The following BRAF variants were observed in gnomAD, a reference collection of about 807,000 sequenced individuals.
The protein encoded by BRAF is serine/threonine-protein kinase B-raf.
In BRAF, 16 loss-of-function variants were observed where a neutral mutation model predicts 104.6. The ratio of observed to expected loss-of-function variants is 0.15; its 90% CI spans 0.10 to 0.23. The LOEUF (loss-of-function observed/expected upper bound fraction) is 0.23, where lower values mean the gene tolerates loss of function less well. Ranked by LOEUF, BRAF falls within the 10% of genes least tolerant of loss-of-function variation. BRAF has a pLI of 1.00. For missense variants in BRAF, 541 were observed against 937.3 expected (o/e 0.58, Z 5.52); for synonymous variants, 310 against 341.6 (o/e 0.91, Z 1.02).
At chr7:140,874,417 G>A (rs1811965916) in intron 1 of BRAF, among the ~76,000 whole-genome samples, 1 of 151,142 alleles carries the variant, frequency 6.6e-6, no homozygotes, top group South Asian at 2.1e-4. Flanking sequence ...GGCCAGGATG[G>A]CCTCGATCTC....
intron 7 of BRAF, among the ~76,000 whole-genome samples, chr7:140,798,331 C>T (rs374078068): frequency 1.5e-4 from 19 of 125,618 alleles, no homozygotes; most frequent in African/African-American, 2.8e-4. Flanking sequence ...GACGTGATCT[C>T]GGCCCGCTAC....
chr7:140,920,615 ACTACATT>A (rs1410509154), intron 1 of BRAF, among the ~76,000 whole-genome samples: 1 of 152,256 alleles, frequency 6.6e-6, no homozygotes, highest in Non-Finnish European at 1.5e-5. Context: ...ACTCACATTT[ACTACATT>A]CAAGGATTCA....
chr7:140,828,476 TGAGA>T (rs765071815), intron 3 of BRAF, among the ~76,000 whole-genome samples: 5 of 152,330 alleles, frequency 3.3e-5, no homozygotes, highest in South Asian at 2.1e-4. Context: ...CATTTCTAGT[TGAGA>T]GAGATATTTC....
At chr7:140,872,192 G>A (rs1811674074) in intron 1 of BRAF, among the ~76,000 whole-genome samples, 1 of 148,508 alleles carries the variant, frequency 6.7e-6, no homozygotes, top group Admixed American at 6.7e-5. Flanking sequence ...TCCAGCCTGG[G>A]CAACAAGAGT....
At chr7:140,892,806 AACAAT>A (rs767371443) in intron 1 of BRAF, among the ~76,000 whole-genome samples, 4 of 152,174 alleles carry the variant, frequency 2.6e-5, no homozygotes, top group Non-Finnish European at 4.4e-5. Flanking sequence ...CAGGGAACAA[AACAAT>A]ACATCAGATC....
At chr7:140,871,869 T>C (rs2129093808) in intron 1 of BRAF, among the ~76,000 whole-genome samples, 1 of 152,290 alleles carries the variant, frequency 6.6e-6, no homozygotes, top group East Asian at 1.9e-4. Context: ...AAAATTATAT[T>C]GTATATAGTG....
intron 1 of BRAF, among the ~76,000 whole-genome samples, chr7:140,880,378 C>T (rs1415840414): frequency 6.6e-6 from 1 of 152,192 alleles, no homozygotes; most frequent in African/African-American, 2.4e-5. Flanking sequence ...TCAGGATCCA[C>T]TTCTAATTCT....
intron 15 of BRAF, 90 bp downstream of exon 14, chr7:140,754,097 G>A (rs1798007569): frequency 7.5e-7 from 1 of 1,339,944 alleles, no homozygotes; most frequent in South Asian, 1.2e-5. Context: ...AACTTAGCAT[G>A]AAAACTGTTT....
At chr7:140,811,467 T>C (rs1036735078) in intron 3 of BRAF, among the ~76,000 whole-genome samples, 5 of 152,156 alleles carry the variant, frequency 3.3e-5, no homozygotes, top group Non-Finnish European at 5.9e-5. Context: ...AGGGAGCTTA[T>C]ATGTCTAGCT....
rs1220605096 is a variant in BRAF at position 140,724,454 on chromosome 7, T to C, written c.*2040A>G. 5 of 1,054,344 alleles carry C rather than the reference T, an allele frequency of 4.7e-6. No homozygotes were observed. Among genetic ancestry groups the C allele is most frequent in the Non-Finnish European group, 5.7e-6 (5 of 872,532 alleles). 65.3% of individuals were successfully genotyped at this position (1,054,344 alleles called of 1,614,324 possible). On this transcript the variant is annotated 3_prime_UTR_variant, in exon 20 of 20. Coordinates refer to ENST00000644969, the MANE Select transcript of BRAF (RefSeq NM_001374258.1). ...AGATGTTCTTCAAATCAGCGTGAAT[T>C]ATTTCCACCTTTGCAATTTCTGAAT... is the stretch of plus-strand genomic sequence containing the variant.
intron 1 of BRAF, among the ~76,000 whole-genome samples, chr7:140,885,878 C>A (rs904156403): frequency 1.3e-5 from 2 of 152,082 alleles, no homozygotes; most frequent in African/African-American, 4.8e-5. Flanking sequence ...TAAGAGTATT[C>A]CAGCCATAGT....
At chr7:140,868,207 T>C (rs1811190399) in intron 1 of BRAF, among the ~76,000 whole-genome samples, 1 of 152,122 alleles carries the variant, frequency 6.6e-6, no homozygotes, top group Non-Finnish European at 1.5e-5. Context: ...TGGAGTGGCT[T>C]TTGTACAAAA....
chr7:140,884,488 AT>A (rs1253436165), intron 1 of BRAF, among the ~76,000 whole-genome samples: 37 of 102,124 alleles, frequency 3.6e-4, no homozygotes, highest in South Asian at 8.9e-4. Flanking sequence ...TAAAAATATA[AT>A]TTTTTTTTTT....
chr7:140,787,823 T>C (rs993906543), intron 8 of BRAF, among the ~76,000 whole-genome samples: 3 of 152,222 alleles, frequency 2.0e-5, no homozygotes, highest in African/African-American at 7.2e-5. Context: ...CAAATGTTGA[T>C]GTCCATTTCA....
intron 1 of BRAF, among the ~76,000 whole-genome samples, chr7:140,872,474 G>C (rs1811725701): frequency 6.6e-6 from 1 of 152,022 alleles, no homozygotes; most frequent in Non-Finnish European, 1.5e-5. Flanking sequence ...AAAATAAGAA[G>C]AAGAAATAAC....
At chr7:140,893,910 T>C (rs1326305592) in intron 1 of BRAF, among the ~76,000 whole-genome samples, 1 of 152,020 alleles carries the variant, frequency 6.6e-6, no homozygotes, top group Non-Finnish European at 1.5e-5. Context: ...CCCAGCACTT[T>C]GGGAGGCCAA....
At chr7:140,744,296 G>A (rs1797174853) in intron 17 of BRAF, among the ~76,000 whole-genome samples, 1 of 152,236 alleles carries the variant, frequency 6.6e-6, no homozygotes. Flanking sequence ...AGCTTCCCTG[G>A]TTGGCAATAA....
At chr7:140,906,613 C>T (rs1291189276) in intron 1 of BRAF, among the ~76,000 whole-genome samples, 1 of 152,174 alleles carries the variant, frequency 6.6e-6, no homozygotes, top group Non-Finnish European at 1.5e-5. Flanking sequence ...TAGAATCTTT[C>T]TGCCTTAAGT....
intron 14 of BRAF, among the ~76,000 whole-genome samples, chr7:140,768,704 C>T (rs750591124): frequency 1.4e-4 from 22 of 152,038 alleles, no homozygotes; most frequent in Non-Finnish European, 2.9e-4. Context: ...ACTATGTTGT[C>T]CAGGCTGGTC....
Sources: allele counts gnomAD v4.1 joint callset (sites outside exome capture counted in the v4.1 genomes callset), GRCh38; gene constraint gnomAD v4.1.1; transcripts MANE v1.5; gene names NCBI Gene and HGNC (gene_info 2026-07-23, HGNC 2026-07-21).